Variants in SNX6 observed in about 807,000 individuals in gnomAD.
SNX6 encodes sorting nexin-6.
SNX6 carries 34 observed loss-of-function variants against 63.0 expected under a neutral mutation model. That is an observed-to-expected ratio of 0.54 (90% CI 0.41 to 0.72). The LOEUF is 0.72. SNX6 is among the 30% of genes least tolerant of loss of function. The pLI, the probability that SNX6 is intolerant of heterozygous loss-of-function variation, is 0.00. For missense variants in SNX6, 398 were observed against 471.4 expected (o/e 0.84, Z 1.44); for synonymous variants, 170 against 164.2 (o/e 1.04, Z -0.27).
chr14:34,606,926 C>T (rs1459233463), intron 4 of SNX6, among the ~76,000 whole-genome samples: 1 of 151,936 alleles, frequency 6.6e-6, no homozygotes, highest in African/African-American at 2.4e-5. Flanking sequence ...CAGGCACCAG[C>T]CACAACGCCC....
At chr14:34,573,483 G>A (rs978805286) in intron 11 of SNX6, among the ~76,000 whole-genome samples, 2 of 151,974 alleles carry the variant, frequency 1.3e-5, no homozygotes, top group Non-Finnish European at 2.9e-5. Flanking sequence ...GCGGAGGCAG[G>A]AGAATGGCTT....
chr14:34,602,474 CCAGCTA>C (rs1882853777), intron 6 of SNX6, among the ~76,000 whole-genome samples: 1 of 151,462 alleles, frequency 6.6e-6, no homozygotes, highest in Non-Finnish European at 1.5e-5. Flanking sequence ...GCCTGTAGTC[CCAGCTA>C]CTTGGGAGGC....
At chr14:34,602,187 A>G (rs1057429184) in intron 6 of SNX6, among the ~76,000 whole-genome samples, 1 of 151,928 alleles carries the variant, frequency 6.6e-6, no homozygotes, top group Admixed American at 6.6e-5. Flanking sequence ...GCACTTTGGG[A>G]GGCTAAGGTG....
At chr14:34,627,175 G>C (rs537262744) in intron 2 of SNX6, among the ~76,000 whole-genome samples, 13 of 152,160 alleles carry the variant, frequency 8.5e-5, no homozygotes, top group Admixed American at 3.3e-4. Context: ...GGCCAGGCGC[G>C]GTGGCTCACG....
intron 2 of SNX6, 31 bp downstream of exon 2, chr14:34,629,876 G>A (rs1883973586): frequency 1.3e-6 from 2 of 1,552,132 alleles, no homozygotes; most frequent in Non-Finnish European, 8.7e-7. Context: ...AGGGTCCAGG[G>A]TCCCGCGAGC....
intron 9 of SNX6, among the ~76,000 whole-genome samples, chr14:34,581,978 G>A (rs927058239): frequency 4.6e-5 from 7 of 151,918 alleles, no homozygotes; most frequent in African/African-American, 9.7e-5. Flanking sequence ...ACAGGCGCCC[G>A]CCACCACGCC....
chr14:34,592,469 G>T (rs1253178160), intron 8 of SNX6, among the ~76,000 whole-genome samples: 3 of 152,146 alleles, frequency 2.0e-5, no homozygotes, highest in Non-Finnish European at 4.4e-5. Context: ...TGATTTGTAT[G>T]TAATTACGCA....
rs543054248 is a variant in SNX6, at chr14:34,574,492, A to G, written c.921+1264T>C. On this transcript the variant is annotated intron_variant, in intron 11 of 13. Coordinates refer to ENST00000362031, the MANE Select transcript of SNX6 (RefSeq NM_152233.4). The stretch of plus-strand genomic sequence containing the variant: ...TAGGGAAATCCCGCCTCTACTAAAA[A>G]TACGAAAACTAGCTGGGTGTGGTGG... Among the ~76,000 whole-genome samples, 112 of 151,982 alleles carry G rather than the reference A, an allele frequency of 7.4e-4. 1 individual carries two copies. Among genetic ancestry groups the G allele is most frequent in the African/African-American group, 2.4e-3 (101 of 41,496 alleles).
At chr14:34,589,981 A>G (rs1314921369) in intron 8 of SNX6, among the ~76,000 whole-genome samples, 3 of 152,226 alleles carry the variant, frequency 2.0e-5, no homozygotes, top group Non-Finnish European at 2.9e-5. Context: ...TTAGCCACGC[A>G]TGGTGGCGCA....
At chr14:34,572,872 C>T (rs1329674632) in intron 11 of SNX6, among the ~76,000 whole-genome samples, 3 of 151,750 alleles carry the variant, frequency 2.0e-5, no homozygotes, top group African/African-American at 4.8e-5. Flanking sequence ...TTAGTAGAGA[C>T]GGGGTTTCAC....
At chr14:34,583,262 C>T (rs1266257916) in intron 9 of SNX6, among the ~76,000 whole-genome samples, 1 of 152,042 alleles carries the variant, frequency 6.6e-6, no homozygotes, top group Non-Finnish European at 1.5e-5. Context: ...TGAGCCAAGA[C>T]TGAGCCACTG....
At chr14:34,629,687 G>A (rs1044186038) in intron 2 of SNX6, 26 of 769,966 alleles carry the variant, frequency 3.4e-5, no homozygotes, top group Non-Finnish European at 5.1e-5. Flanking sequence ...AGCGGCGGGG[G>A]ACAAGAAAGC....
Position 34,629,890 on chromosome 14 carries a change from A to G in SNX6, c.54+17T>C. 1 of 1,555,972 alleles carries G rather than the reference A, an allele frequency of 6.4e-7. No homozygotes were observed. The highest frequency in any genetic ancestry group is 8.7e-7 in the Non-Finnish European group (1 of 1,150,048). ...GAGGGTCCAGGGTCCCGCGAGCGAA[A>G]GGAAGGCAGAACTTACTCCGCGGTC... On this transcript the variant is annotated intron_variant, in intron 2 of 13. Coordinates refer to ENST00000362031, the MANE Select transcript of SNX6 (RefSeq NM_152233.4).
intron 7 of SNX6, 84 bp downstream of exon 7, chr14:34,597,465 TA>T: frequency 2.4e-6 from 2 of 841,226 alleles, no homozygotes; most frequent in Non-Finnish European, 2.0e-6. Flanking sequence ...TCTTTTACTC[TA>T]ATTCTGCACA....
At chr14:34,621,573 G>A (rs1883621132) in intron 2 of SNX6, among the ~76,000 whole-genome samples, 1 of 152,290 alleles carries the variant, frequency 6.6e-6, no homozygotes, top group South Asian at 2.1e-4. Context: ...CAGCCTTACA[G>A]ATCTTACATT....
chr14:34,565,312 C>T (rs1056637200), intron 13 of SNX6, among the ~76,000 whole-genome samples: 1 of 151,838 alleles, frequency 6.6e-6, no homozygotes. Context: ...CTCCTGACCT[C>T]GTGATCTGCC....
At chr14:34,566,998 G>GT (rs201500334) in intron 13 of SNX6, among the ~76,000 whole-genome samples, 3,433 of 152,258 alleles carry the variant, frequency 0.023, 55 homozygotes, top group Middle Eastern at 0.055. Flanking sequence ...CGAGGCAGGT[G>GT]TATCACCTCA....
chr14:34,580,792 C>T (rs1881904404), intron 10 of SNX6, among the ~76,000 whole-genome samples: 1 of 151,444 alleles, frequency 6.6e-6, no homozygotes, highest in African/African-American at 2.4e-5. Context: ...CCAAGTAGGA[C>T]TACAGGTTTG....
intron 6 of SNX6, among the ~76,000 whole-genome samples, chr14:34,601,946 T>TCTACTGAAATAACTGCATTA (rs1882832607): frequency 6.6e-6 from 1 of 152,096 alleles, no homozygotes; most frequent in Non-Finnish European, 1.5e-5. Flanking sequence ...CTACTCAAGT[T>TCTACTGAAATAACTGCATTA]CTACTGAAAT....
Sources: gnomAD v4.1 joint callset for allele counts (sites outside exome capture counted in the v4.1 genomes callset) on GRCh38, gnomAD v4.1.1 for gene constraint, MANE v1.5 for transcripts, NCBI Gene and HGNC (gene_info 2026-07-23, HGNC 2026-07-21) for gene names.